ANAPC1: variants seen among roughly 807,000 people sequenced by gnomAD.
The protein encoded by ANAPC1 is anaphase-promoting complex subunit 1.
In ANAPC1, 36 loss-of-function variants were observed where a neutral mutation model predicts 208.0. The observed-to-expected ratio is 0.17, with a 90% CI of 0.13 to 0.23. ANAPC1 has a LOEUF of 0.23. Among genes scored for constraint, ANAPC1 ranks in the 10% least tolerant of loss-of-function variants. ANAPC1 has a pLI of 1.00. For missense variants in ANAPC1, 942 were observed against 2,011.6 expected (o/e 0.47, Z 10.17); for synonymous variants, 378 against 695.2 (o/e 0.54, Z 7.18).
intron 2 of ANAPC1, among the ~76,000 whole-genome samples, chr2:111,879,848 G>A (rs1228046821): frequency 1.3e-5 from 2 of 151,864 alleles, no homozygotes; most frequent in African/African-American, 2.4e-5. Flanking sequence ...CTCCAGCCTG[G>A]GCAACAAAAG....
intron 42 of ANAPC1, among the ~76,000 whole-genome samples, chr2:111,783,473 T>C (rs1573314771): frequency 6.7e-6 from 1 of 149,250 alleles, no homozygotes. Context: ...GCCATGACTG[T>C]AAGTTTCCTG....
At chr2:111,872,162 T>A (rs1280050333) in intron 6 of ANAPC1, among the ~76,000 whole-genome samples, 1 of 152,160 alleles carries the variant, frequency 6.6e-6, no homozygotes, top group African/African-American at 2.4e-5. Flanking sequence ...TTGTGGTAAG[T>A]CCCTTCTATG....
intron 1 of ANAPC1, among the ~76,000 whole-genome samples, chr2:111,883,071 G>T (rs749437692): frequency 1.2e-4 from 18 of 149,960 alleles, no homozygotes; most frequent in Non-Finnish European, 2.2e-4. Flanking sequence ...GGAGGCTGAA[G>T]CAGAGAATTG....
intron 38 of ANAPC1, among the ~76,000 whole-genome samples, chr2:111,788,890 G>A (rs1677712977): frequency 6.6e-6 from 1 of 151,998 alleles, no homozygotes; most frequent in Non-Finnish European, 1.5e-5. Context: ...TGTAATCCCA[G>A]CACTTTGGGA....
At position 111,821,476 on chromosome 2, in the gene ANAPC1, A is replaced by G. The variant is rs774072505; in HGVS notation, c.2992-23T>C. On this transcript the variant is annotated intron_variant, in intron 25 of 47. Transcript: ENST00000341068. ...CACCTGAGTAACAGACTTTATTGTA[A>G]TAATAATTTCAAAAGCAGTTAACAT... The G allele has an allele frequency of 3.9e-4, 567 of 1,442,804 alleles. 2 individuals carry two copies. The highest frequency in any genetic ancestry group is 4.8e-4 in the Non-Finnish European group (497 of 1,035,970). The allele number at this position is 1,442,804 out of a possible 1,614,324, so 89.4% of individuals were successfully genotyped here.
At chr2:111,786,404 C>CAA (rs199696004) in intron 39 of ANAPC1, among the ~76,000 whole-genome samples, 11 of 116,750 alleles carry the variant, frequency 9.4e-5, no homozygotes, top group Middle Eastern at 8.1e-3. Flanking sequence ...GAAGAAAAAA[C>CAA]AAAAAAAAAT....
chr2:111,851,233 G>A (rs1178047273), intron 13 of ANAPC1, among the ~76,000 whole-genome samples: 1 of 151,926 alleles, frequency 6.6e-6, no homozygotes, highest in African/African-American at 2.4e-5. Flanking sequence ...CTCCTGAGTA[G>A]CTGGAACTAT....
At chr2:111,870,807 T>C (rs961895463) in intron 6 of ANAPC1, among the ~76,000 whole-genome samples, 13 of 152,222 alleles carry the variant, frequency 8.5e-5, no homozygotes, top group African/African-American at 3.1e-4. Context: ...GGTGATCTTC[T>C]AGAATTTTTA....
chr2:111,823,936 TCTAAA>T (rs1679684395), intron 24 of ANAPC1, among the ~76,000 whole-genome samples: 1 of 146,922 alleles, frequency 6.8e-6, no homozygotes, highest in Non-Finnish European at 1.5e-5. Flanking sequence ...AGTACCATTC[TCTAAA>T]CTAAACATAT....
intron 29 of ANAPC1, among the ~76,000 whole-genome samples, chr2:111,808,657 A>G (rs1381609174): frequency 1.3e-5 from 2 of 152,296 alleles, no homozygotes; most frequent in East Asian, 3.9e-4. Flanking sequence ...CAGGATAAAC[A>G]GCATACTCAT....
At chr2:111,882,613 T>C (rs1284288313) in intron 1 of ANAPC1, among the ~76,000 whole-genome samples, 1 of 151,188 alleles carries the variant, frequency 6.6e-6, no homozygotes, top group Non-Finnish European at 1.5e-5. Flanking sequence ...TGTGGGCGCC[T>C]GTAATCCCAG....
At chr2:111,848,056 G>C (rs945994064) in intron 14 of ANAPC1, among the ~76,000 whole-genome samples, 191 bp from the exon 15 acceptor site, 8 of 151,648 alleles carry the variant, frequency 5.3e-5, no homozygotes, top group Non-Finnish European at 1.2e-4. Context: ...ACTGAGACAG[G>C]AGAATCACTT....
chr2:111,831,846 A>AAAAAAG lies in ANAPC1; in HGVS notation c.2477-413_2477-412insCTTTTT, dbSNP rs4019125. On this transcript the variant is annotated intron_variant, in intron 20 of 47. Transcript: ENST00000341068. ...TGTCTCAAAAAAAAAAAAAAAAAAA[A>AAAAAAG]GAATAACGTTTTTCCATATTCTCCA... is the stretch of plus-strand genomic sequence containing the variant. Among the ~76,000 whole-genome samples, 22 of 88,254 alleles carry AAAAAAG rather than the reference A, an allele frequency of 2.5e-4. 2 individuals are homozygous for AAAAAAG. Among genetic ancestry groups the AAAAAAG allele is most frequent in the African/African-American group, 3.5e-4 (8 of 23,138 alleles). The allele number at this position is 88,254 out of a possible 152,430, so 57.9% of individuals were successfully genotyped here.
intron 34 of ANAPC1, 95 bp from the exon 35 acceptor site, chr2:111,794,989 A>T (rs1484902428): frequency 8.3e-6 from 11 of 1,319,258 alleles, no homozygotes; most frequent in Non-Finnish European, 1.1e-5. Context: ...TCATGGCTAT[A>T]TTTATATAAA....
chr2:111,805,396 G>C (rs1443172335), intron 30 of ANAPC1, among the ~76,000 whole-genome samples: 1 of 80,202 alleles, frequency 1.2e-5, no homozygotes, highest in Non-Finnish European at 2.6e-5. Flanking sequence ...GATACACAGT[G>C]AACATCACTA....
intron 18 of ANAPC1, among the ~76,000 whole-genome samples, chr2:111,836,070 A>G (rs1319852810): frequency 1.3e-5 from 2 of 152,028 alleles, no homozygotes; most frequent in Non-Finnish European, 2.9e-5. Context: ...GCAGCTAATG[A>G]GCACATGAAA....
intron 47 of ANAPC1, among the ~76,000 whole-genome samples, chr2:111,770,569 ATTTT>A (rs1003142028): frequency 1.3e-5 from 2 of 148,644 alleles, no homozygotes; most frequent in African/African-American, 2.5e-5. Context: ...ATGCATGTTT[ATTTT>A]TTTTTCACGG....
At chr2:111,877,902 A>G (rs1184795720) in intron 3 of ANAPC1, among the ~76,000 whole-genome samples, 1 of 152,196 alleles carries the variant, frequency 6.6e-6, no homozygotes, top group Non-Finnish European at 1.5e-5. Context: ...TATATTTCCT[A>G]TAAATAGGAA....
At chr2:111,867,874 G>A (rs1276165372) in intron 7 of ANAPC1, 149 bp downstream of exon 7, 1 of 524,478 alleles carries the variant, frequency 1.9e-6, no homozygotes, top group East Asian at 3.1e-5. Context: ...TTAATACCAT[G>A]ATATTCAAGA....
Sources: allele counts gnomAD v4.1 joint callset (sites outside exome capture counted in the v4.1 genomes callset), GRCh38; gene constraint gnomAD v4.1.1; transcripts MANE v1.5; gene names NCBI Gene and HGNC (gene_info 2026-07-23, HGNC 2026-07-21).